Variants in EPHA4 observed in about 807,000 individuals in gnomAD.
The protein encoded by EPHA4 is ephrin type-A receptor 4.
Under a neutral mutation model 108.3 loss-of-function variants are expected in EPHA4, and 19 were observed. The ratio of observed to expected loss-of-function variants is 0.18; its 90% CI spans 0.12 to 0.26. The LOEUF is 0.26. EPHA4 is among the 10% of genes least tolerant of loss of function. EPHA4 has a pLI of 1.00. For synonymous variants in EPHA4, 449 were observed against 455.5 expected, an observed-to-expected ratio of 0.99 and a Z score of 0.18; for missense variants, 917 against 1,254.0, an observed-to-expected ratio of 0.73 and a Z score of 4.06.
chr2:221,485,440 G>C (rs1268084156), intron 4 of EPHA4, among the ~76,000 whole-genome samples: 1 of 152,198 alleles, frequency 6.6e-6, no homozygotes, highest in Non-Finnish European at 1.5e-5. Flanking sequence ...CAAGTTCAGT[G>C]CTGGTAAATC....
chr2:221,539,254 T>C (rs1247937762), intron 3 of EPHA4, among the ~76,000 whole-genome samples: 1 of 152,226 alleles, frequency 6.6e-6, no homozygotes, highest in East Asian at 1.9e-4. Flanking sequence ...TAGGAACTAT[T>C]ACTACTTGCA....
chr2:221,476,340 A>G (rs1018517654), intron 5 of EPHA4, among the ~76,000 whole-genome samples: 1 of 152,146 alleles, frequency 6.6e-6, no homozygotes, highest in African/African-American at 2.4e-5. Flanking sequence ...CTGTCTTTCA[A>G]CACCTTCATT....
intron 5 of EPHA4, among the ~76,000 whole-genome samples, chr2:221,459,770 G>T (rs1345013223): frequency 1.3e-5 from 2 of 152,128 alleles, no homozygotes; most frequent in East Asian, 3.9e-4. Context: ...CCATAAAAAG[G>T]AGCTCTTTAA....
chr2:221,477,592 C>T (rs1691696011), intron 5 of EPHA4, among the ~76,000 whole-genome samples: 1 of 152,078 alleles, frequency 6.6e-6, no homozygotes, highest in Non-Finnish European at 1.5e-5. Flanking sequence ...AACAACTGTT[C>T]ACTATCTTAC....
intron 3 of EPHA4, among the ~76,000 whole-genome samples, chr2:221,502,881 G>C (rs1692522826): frequency 6.6e-6 from 1 of 152,218 alleles, no homozygotes; most frequent in Admixed American, 6.5e-5. Flanking sequence ...CACTGGACCG[G>C]AGCATCTTAG....
chr2:221,419,962 T>A lies in EPHA4; in HGVS notation c.*1410A>T. 1.3e-5 allele frequency: 2 copies of A among 152,828 alleles called. No individual in the cohort carries two copies. The highest frequency in any genetic ancestry group is 6.8e-3 in the Middle Eastern group (2 of 294). The allele number at this position is 152,828 out of a possible 1,614,324, so 9.5% of individuals were successfully genotyped here. A position where few individuals can be genotyped will look rare whatever the true frequency, so the allele number is the denominator to read the frequency against. ...ACACCCGCACACAGACAGGCACGCA[T>A]ACAGACACACTCACACCTATGTACA... On this transcript the variant is annotated 3_prime_UTR_variant, in exon 18 of 18. Transcript: ENST00000281821.
At chr2:221,524,573 G>A (rs1693268045) in intron 3 of EPHA4, among the ~76,000 whole-genome samples, 1 of 152,164 alleles carries the variant, frequency 6.6e-6, no homozygotes, top group African/African-American at 2.4e-5. Flanking sequence ...TCCTAACAAA[G>A]CCTATGTCAA....
chr2:221,561,761 A>T (rs1694472306), intron 3 of EPHA4, among the ~76,000 whole-genome samples: 1 of 152,214 alleles, frequency 6.6e-6, no homozygotes, highest in Non-Finnish European at 1.5e-5. Flanking sequence ...ACAATGTAGC[A>T]ATGTATGAGT....
At chr2:221,560,581 G>C (rs891165448) in intron 3 of EPHA4, among the ~76,000 whole-genome samples, 3 of 152,116 alleles carry the variant, frequency 2.0e-5, no homozygotes, top group Admixed American at 1.3e-4. Flanking sequence ...TCAACTCAAC[G>C]CTCTTAAAAG....
At chr2:221,522,034 G>A (rs1360776641) in intron 3 of EPHA4, among the ~76,000 whole-genome samples, 6 of 152,074 alleles carry the variant, frequency 3.9e-5, no homozygotes, top group East Asian at 1.9e-4. Flanking sequence ...AAAATAGGCC[G>A]GAAATACAGA....
intron 8 of EPHA4, among the ~76,000 whole-genome samples, chr2:221,452,729 G>T (rs2106114478): frequency 6.6e-6 from 1 of 152,152 alleles, no homozygotes; most frequent in African/African-American, 2.4e-5. Flanking sequence ...TTTAATGGGG[G>T]AGAAGGGACA....
chr2:221,499,715 A>ACTATAT (rs1322169477), intron 4 of EPHA4, among the ~76,000 whole-genome samples: 1 of 48,452 alleles, frequency 2.1e-5, no homozygotes, highest in Non-Finnish European at 3.4e-5. Flanking sequence ...AACTAAAACT[A>ACTATAT]ATATATATAT....
chr2:221,572,474 G>C, upstream of EPHA4: 1 of 332,040 alleles, frequency 3.0e-6, no homozygotes, highest in South Asian at 1.1e-4. Flanking sequence ...GGGCTCCACG[G>C]GGCGCGCGGT....
intron 4 of EPHA4, among the ~76,000 whole-genome samples, chr2:221,488,138 A>G (rs1465815494): frequency 6.6e-6 from 1 of 152,180 alleles, no homozygotes; most frequent in Non-Finnish European, 1.5e-5. Flanking sequence ...TTAACAAATG[A>G]TCATGGCTGT....
intron 3 of EPHA4, among the ~76,000 whole-genome samples, chr2:221,519,633 C>A (rs1176700652): frequency 1.3e-5 from 2 of 152,174 alleles, no homozygotes; most frequent in African/African-American, 4.8e-5. Context: ...CCGCAATTAC[C>A]TTTGCAACAA....
In EPHA4 at chr2:221,566,110, T is replaced by C. The variant is rs147358793; in HGVS notation, c.160-1716A>G. Among the ~76,000 whole-genome samples, 1,036 of 152,312 alleles carry C rather than the reference T, an allele frequency of 6.8e-3. 13 individuals are homozygous for C. The highest frequency in any genetic ancestry group is 0.01 in the Non-Finnish European group (688 of 68,006). On this transcript the variant is annotated intron_variant, in intron 2 of 17. Transcript: ENST00000281821. ...AAGTAGCTTTTGGCTACAACGATGT[T>C]ATCAGGAGCCATCACTTTCCCTAAT...
chr2:221,422,844 A>G (rs1689795685), intron 17 of EPHA4, among the ~76,000 whole-genome samples: 1 of 152,230 alleles, frequency 6.6e-6, no homozygotes, highest in African/African-American at 2.4e-5. Flanking sequence ...TTACTTTTGT[A>G]TCACTGTCTT....
At chr2:221,537,756 C>T (rs1288011253) in intron 3 of EPHA4, among the ~76,000 whole-genome samples, 4 of 152,116 alleles carry the variant, frequency 2.6e-5, no homozygotes, top group Admixed American at 2.6e-4. Flanking sequence ...TGCCATTGCA[C>T]TCTAGCCTAG....
At position 221,563,965 on chromosome 2, in the gene EPHA4, C is replaced by T; in HGVS notation, c.589G>A (p.Val197Ile). The T allele has an allele frequency of 1.2e-6, 2 of 1,614,106 alleles. No homozygotes were observed. The highest frequency in any genetic ancestry group is 1.7e-6 in the Non-Finnish European group (2 of 1,180,028). Reference protein sequence around the residue: ...DVGACIALVSVRVFYKKCPLT... With the variant: ...DVGACIALVSIRVFYKKCPLT... Reference sequence around the variant, plus strand: ...GGACACTTTTTATAGAACACACGGACTGATACCAGGGCGATGCAGGCCCCC... The same window carrying T: ...GGACACTTTTTATAGAACACACGGATTGATACCAGGGCGATGCAGGCCCCC... Residue 197 changes from valine to isoleucine, a missense_variant, in exon 3 of 18, where the codon GTC becomes ATC. Physicochemically the swap from Val to Ile is conservative, Grantham distance 29. Around this residue, in one of 3 missense-constraint regions of EPHA4, gnomAD observed 758 missense variants for 1,076.7 expected, o/e 0.70. Transcript: ENST00000281821.
Sources: allele counts gnomAD v4.1 joint callset (sites outside exome capture counted in the v4.1 genomes callset), GRCh38; gene constraint gnomAD v4.1.1; regional missense constraint gnomAD v4.1.1; transcripts MANE v1.5; gene names NCBI Gene and HGNC (gene_info 2026-07-23, HGNC 2026-07-21).